GRM3: variants seen among roughly 807,000 people sequenced by gnomAD.
GRM3 encodes the protein glutamate metabotropic receptor 3, also known as metabotropic glutamate receptor 3.
Under a neutral mutation model 70.5 loss-of-function variants are expected in GRM3, and 26 were observed. The ratio of observed to expected loss-of-function variants is 0.37; its 90% CI spans 0.27 to 0.51. GRM3 has a LOEUF of 0.51. Ranked by LOEUF, GRM3 falls within the 20% of genes least tolerant of loss-of-function variation. GRM3 has a pLI of 0.93. For synonymous variants in GRM3, 443 were observed against 434.9 expected (o/e 1.02, Z -0.23); for missense variants, 859 against 1,123.8 (o/e 0.76, Z 3.37).
At chr7:86,805,533 A>G (rs1797772301) in intron 3 of GRM3, among the ~76,000 whole-genome samples, 1 of 152,184 alleles carries the variant, frequency 6.6e-6, no homozygotes, top group Non-Finnish European at 1.5e-5. Flanking sequence ...ATTCAGCATT[A>G]TAGTACCAGA....
At chr7:86,759,377 C>T (rs905863188) in intron 1 of GRM3, among the ~76,000 whole-genome samples, 159 of 152,264 alleles carry the variant, frequency 1.0e-3, no homozygotes, top group African/African-American at 3.5e-3. Context: ...TTTTGCCCTA[C>T]TATAATGTCA....
At chr7:86,811,376 C>G (rs1479587639) in intron 3 of GRM3, among the ~76,000 whole-genome samples, 1 of 151,738 alleles carries the variant, frequency 6.6e-6, no homozygotes, top group Non-Finnish European at 1.5e-5. Flanking sequence ...ATAACAACAA[C>G]TAAATCACTT....
At chr7:86,790,568 C>G (rs1272432416) in intron 3 of GRM3, among the ~76,000 whole-genome samples, 2 of 152,126 alleles carry the variant, frequency 1.3e-5, no homozygotes, top group African/African-American at 4.8e-5. Flanking sequence ...TTGTTTCACT[C>G]ATAGTGAAAG....
chr7:86,771,498 T>TA (rs1796739813), intron 2 of GRM3, among the ~76,000 whole-genome samples: 1 of 152,008 alleles, frequency 6.6e-6, no homozygotes, highest in Admixed American at 6.6e-5. Flanking sequence ...TATCAGAAAA[T>TA]AAGCATTTAT....
rs146193546 is a variant in GRM3, at chr7:86,754,830, T to C, written c.-140-10176T>C. ...TTTTAGATGGATTAAGCAGCACGGGTGTCACTATATCCCCATTCCTTGGCT... is the reference window on the plus strand; with the variant it reads ...TTTTAGATGGATTAAGCAGCACGGGCGTCACTATATCCCCATTCCTTGGCT... On this transcript the variant is annotated intron_variant, in intron 1 of 5. Transcript: ENST00000361669. Among the ~76,000 whole-genome samples, 673 of 152,216 alleles carry C rather than the reference T, an allele frequency of 4.4e-3. 3 individuals carry two copies. Among genetic ancestry groups the C allele is most frequent in the African/African-American group, 0.015 (620 of 41,542 alleles).
intron 3 of GRM3, among the ~76,000 whole-genome samples, chr7:86,825,871 C>T (rs1798222134): frequency 6.6e-6 from 1 of 152,206 alleles, no homozygotes; most frequent in Admixed American, 6.5e-5. Context: ...CTTCTGAGAG[C>T]ATCTCTGAAT....
intron 4 of GRM3, among the ~76,000 whole-genome samples, chr7:86,843,447 G>A (rs6955917): frequency 0.11 from 16,946 of 152,102 alleles, 1,640 homozygotes; most frequent in African/African-American, 0.27. Context: ...AGCAAACAAG[G>A]AATTCAGTCA....
At chr7:86,695,290 A>G (rs1487840624) in intron 1 of GRM3, among the ~76,000 whole-genome samples, 20 of 152,208 alleles carry the variant, frequency 1.3e-4, no homozygotes, top group Admixed American at 1.2e-3. Flanking sequence ...TGAAAAGAGT[A>G]TCTGATTTGA....
intron 1 of GRM3, among the ~76,000 whole-genome samples, chr7:86,742,525 G>T (rs1413718081): frequency 6.6e-6 from 1 of 152,088 alleles, no homozygotes; most frequent in Non-Finnish European, 1.5e-5. Flanking sequence ...AATACAATCT[G>T]CCATACCAAG....
rs1408307337 is a variant in GRM3, at chr7:86,754,177, TC to T, written c.-140-10828del. On this transcript the variant is annotated intron_variant, in intron 1 of 5. Transcript: ENST00000361669. ...AGTATCTGATATACACAAGTTGACTTCTATTTGAGTATGGGGTTCATACATG... is the reference window on the plus strand; with the variant it reads ...AGTATCTGATATACACAAGTTGACTTTATTTGAGTATGGGGTTCATACATG... Among the ~76,000 whole-genome samples the T allele has an allele frequency of 3.3e-5, 5 of 152,264 alleles. 1 individual carries two copies. In the South Asian group the frequency reaches 1.0e-3, roughly 32 times the overall value.
chr7:86,839,696 C>G lies in GRM3; in HGVS notation c.2182C>G (p.Leu728Val). Residue 728 changes from leucine (L) to valine (V), a missense_variant, in exon 4 of 6, where the codon CTA becomes GTA. Physicochemically the swap from Leu to Val is conservative, Grantham distance 32. Transcript: ENST00000361669. This position sits in a 1 kb window ranked among gnomAD's most constrained non-coding sequence, Gnocchi z 4.5. Reference sequence around the variant, plus strand: ...TGCAGAGAAGCGGGAAACAGTCATCCTAAAATGCAATGTCAAAGATTCCAG... The same window carrying G: ...TGCAGAGAAGCGGGAAACAGTCATCGTAAAATGCAATGTCAAAGATTCCAG... ...TLAEKRETVI[L>V]KCNVKDSSML... The G allele has an allele frequency of 6.2e-7, 1 of 1,614,018 alleles. No homozygotes were observed. The highest frequency in any genetic ancestry group is 8.5e-7 in the Non-Finnish European group (1 of 1,179,932).
intron 3 of GRM3, among the ~76,000 whole-genome samples, chr7:86,837,453 C>T (rs867310669): frequency 6.6e-6 from 1 of 152,204 alleles, no homozygotes; most frequent in African/African-American, 2.4e-5. Context: ...GACACTGCAG[C>T]GTCCTCTAAA....
At chr7:86,678,484 A>G (rs1794361251) in intron 1 of GRM3, among the ~76,000 whole-genome samples, 1 of 152,054 alleles carries the variant, frequency 6.6e-6, no homozygotes, top group Non-Finnish European at 1.5e-5. Flanking sequence ...AGTAGAACAC[A>G]TGTCTTAAGG....
intron 1 of GRM3, among the ~76,000 whole-genome samples, chr7:86,719,024 T>C (rs2116216727): frequency 6.6e-6 from 1 of 152,064 alleles, no homozygotes; most frequent in Middle Eastern, 3.4e-3. Context: ...CTTGGAACAA[T>C]ACCTTTAATA....
At chr7:86,737,409 G>A (rs906773908) in intron 1 of GRM3, among the ~76,000 whole-genome samples, 6 of 152,120 alleles carry the variant, frequency 3.9e-5, no homozygotes, top group Non-Finnish European at 7.4e-5. Context: ...CTAATATTCC[G>A]ATGCTATGCT....
chr7:86,726,412 ACT>A (rs1308725145), intron 1 of GRM3, among the ~76,000 whole-genome samples: 3 of 152,134 alleles, frequency 2.0e-5, no homozygotes, highest in Admixed American at 6.6e-5. Context: ...AAGAGACCTA[ACT>A]CTGATTATCC....
intron 5 of GRM3, among the ~76,000 whole-genome samples, chr7:86,851,745 C>G (rs1798758709): frequency 6.6e-6 from 1 of 152,120 alleles, no homozygotes; most frequent in South Asian, 2.1e-4. Flanking sequence ...GTCTTTCCAG[C>G]TAAACTCCAA....
chr7:86,706,374 G>C (rs940166342), intron 1 of GRM3, among the ~76,000 whole-genome samples: 9 of 152,044 alleles, frequency 5.9e-5, no homozygotes, highest in Non-Finnish European at 1.3e-4. Context: ...AGAGACCAGG[G>C]TCTCAGCTTT....
intron 3 of GRM3, among the ~76,000 whole-genome samples, chr7:86,796,166 G>GT (rs1445754691): frequency 6.6e-6 from 1 of 152,096 alleles, no homozygotes; most frequent in East Asian, 1.9e-4. Context: ...GTATTACCTA[G>GT]TTTTTCTTAT....
Sources: allele counts gnomAD v4.1 joint callset (sites outside exome capture counted in the v4.1 genomes callset), GRCh38; gene constraint gnomAD v4.1.1; non-coding constraint Gnocchi (gnomAD v3.1); transcripts MANE v1.5; gene names NCBI Gene and HGNC (gene_info 2026-07-23, HGNC 2026-07-21).